Variants in MROH9 observed in about 807,000 individuals in gnomAD.
The protein encoded by MROH9 is maestro heat-like repeat-containing protein family member 9.
Under a neutral mutation model 98.2 loss-of-function variants are expected in MROH9, and 92 were observed. That is an observed-to-expected ratio of 0.94 (90% CI 0.79 to 1.11). MROH9 has a LOEUF of 1.11. MROH9 is among the 50% of genes most tolerant of loss of function. The probability of loss-of-function intolerance (pLI) is 0.00; values close to 1 mark genes in which losing one functional copy is unlikely to be tolerated. For synonymous variants in MROH9, 397 were observed against 368.9 expected (o/e 1.08, Z -0.87); for missense variants, 1,057 against 1,014.8 (o/e 1.04, Z -0.57).
intron 20 of MROH9, among the ~76,000 whole-genome samples, chr1:171,045,814 T>C (rs1416586744): frequency 6.6e-6 from 1 of 152,172 alleles, no homozygotes; most frequent in Non-Finnish European, 1.5e-5. Context: ...ATCCATTTCA[T>C]GTATAGTGCA....
chr1:170,963,944 A>G (rs544342442), intron 6 of MROH9, among the ~76,000 whole-genome samples: 1 of 152,206 alleles, frequency 6.6e-6, no homozygotes, highest in African/African-American at 2.4e-5. Flanking sequence ...CTGAACTTAA[A>G]ATAAAAGTTA....
intron 3 of MROH9, among the ~76,000 whole-genome samples, chr1:170,951,696 A>G (rs1405984553): frequency 2.0e-5 from 3 of 152,146 alleles, no homozygotes; most frequent in African/African-American, 7.2e-5. Context: ...ATTCAAAGAC[A>G]GTGGGCTAGT....
At chr1:170,968,033 T>G in intron 7 of MROH9, among the ~76,000 whole-genome samples, 1 of 152,114 alleles carries the variant, frequency 6.6e-6, no homozygotes, top group East Asian at 1.9e-4. Flanking sequence ...AATGGGCTAG[T>G]GATGCCAACA....
intron 2 of MROH9, 59 bp from the exon 3 acceptor site, chr1:170,947,468 C>A: frequency 6.8e-7 from 1 of 1,464,580 alleles, no homozygotes; most frequent in Non-Finnish European, 9.5e-7. Flanking sequence ...TAAGGCCCCA[C>A]TAAGATGATA....
At chr1:170,963,951 G>A (rs1650127900) in intron 6 of MROH9, among the ~76,000 whole-genome samples, 1 of 151,982 alleles carries the variant, frequency 6.6e-6, no homozygotes, top group Admixed American at 6.6e-5. Flanking sequence ...TAAAATAAAA[G>A]TTAAAAAAAG....
chr1:170,992,275 CG>C lies in MROH9; in HGVS notation c.1141del (p.Val381Ter). ...GAAAGCCTGGGGAAATGGAGGACAC[CG>C]TAACGGAAGGGAAACGTTTCTCTCT... ...KGKPGEMEDT[V>X]TEGKRFSLDI... On this transcript the variant is annotated frameshift_variant, in exon 12 of 22. Transcript: ENST00000367759. LOFTEE classifies it high-confidence loss of function. The C allele has an allele frequency of 6.2e-7, 1 of 1,613,468 alleles. No individual in the cohort carries two copies. Among genetic ancestry groups the C allele is most frequent in the Non-Finnish European group, 8.5e-7 (1 of 1,179,644 alleles).
At chr1:170,939,149 A>T (rs1207430339) in intron 1 of MROH9, among the ~76,000 whole-genome samples, 1 of 152,218 alleles carries the variant, frequency 6.6e-6, no homozygotes, top group Non-Finnish European at 1.5e-5. Context: ...TAATTCTGAG[A>T]TGTCTATCCA....
intron 2 of MROH9, 32 bp from the exon 3 acceptor site, chr1:170,947,495 C>A: frequency 1.3e-6 from 2 of 1,596,492 alleles, no homozygotes; most frequent in Admixed American, 1.7e-5. Flanking sequence ...TATGTTCATT[C>A]CTTTTTAACG....
intron 20 of MROH9, among the ~76,000 whole-genome samples, chr1:171,033,699 C>G (rs765740873): frequency 6.6e-6 from 1 of 152,046 alleles, no homozygotes; most frequent in Non-Finnish European, 1.5e-5. Flanking sequence ...CTGATGGGAG[C>G]CTCTGAACGC....
chr1:170,956,398 G>A (rs1290785840), intron 3 of MROH9, among the ~76,000 whole-genome samples: 2 of 151,946 alleles, frequency 1.3e-5, no homozygotes, highest in Non-Finnish European at 2.9e-5. Flanking sequence ...TTTGTAGATT[G>A]CTTTTGGCAG....
intron 20 of MROH9, among the ~76,000 whole-genome samples, chr1:171,056,810 G>A (rs1427302868): frequency 6.6e-6 from 1 of 152,140 alleles, no homozygotes; most frequent in African/African-American, 2.4e-5. Context: ...TCCAGACGCA[G>A]GAGTAAACCA....
chr1:170,982,141 A>G (rs1650955346), intron 8 of MROH9, among the ~76,000 whole-genome samples: 2 of 152,228 alleles, frequency 1.3e-5, no homozygotes, highest in African/African-American at 4.8e-5. Flanking sequence ...TTACTGGTAC[A>G]TGAATGTTCA....
chr1:170,995,008 T>C (rs1651506533), intron 12 of MROH9, among the ~76,000 whole-genome samples: 2 of 151,932 alleles, frequency 1.3e-5, no homozygotes, highest in Non-Finnish European at 2.9e-5. Flanking sequence ...TGCCTTCCCC[T>C]TAAATATCTC....
chr1:171,009,858 T>C (rs957134046), intron 15 of MROH9, among the ~76,000 whole-genome samples: 9 of 152,230 alleles, frequency 5.9e-5, no homozygotes, highest in African/African-American at 1.7e-4. Context: ...CATGGGGCCA[T>C]GTCAAAAGGA....
At chr1:171,049,481 C>T (rs1209934276) in intron 20 of MROH9, among the ~76,000 whole-genome samples, 2 of 152,042 alleles carry the variant, frequency 1.3e-5, no homozygotes, top group African/African-American at 4.8e-5. Context: ...CAGCCAATGC[C>T]AACCCACAGA....
At chr1:170,940,862 T>C (rs1649093082) in intron 1 of MROH9, among the ~76,000 whole-genome samples, 1 of 152,192 alleles carries the variant, frequency 6.6e-6, no homozygotes, top group South Asian at 2.1e-4. Context: ...TAGAGGCAGT[T>C]CTTGTGGCTT....
chr1:171,062,799 A>G (rs1440670735), intron 21 of MROH9, among the ~76,000 whole-genome samples: 1 of 152,110 alleles, frequency 6.6e-6, no homozygotes, highest in Middle Eastern at 3.2e-3. Flanking sequence ...TTTCTTTCTT[A>G]ATAGACTATT....
intron 21 of MROH9, among the ~76,000 whole-genome samples, chr1:171,062,623 T>C (rs532634220): frequency 6.6e-6 from 1 of 152,366 alleles, no homozygotes; most frequent in East Asian, 1.9e-4. Context: ...TTTTAGTGGA[T>C]AGCAATGTAC....
chr1:171,040,801 T>C (rs1381342358), intron 20 of MROH9, among the ~76,000 whole-genome samples: 1 of 152,140 alleles, frequency 6.6e-6, no homozygotes, highest in Non-Finnish European at 1.5e-5. Flanking sequence ...ATTTTCCATC[T>C]GGTTGTTAAA....
Sources: allele counts gnomAD v4.1 joint callset (sites outside exome capture counted in the v4.1 genomes callset), GRCh38; gene constraint gnomAD v4.1.1; transcripts MANE v1.5; gene names NCBI Gene and HGNC (gene_info 2026-07-23, HGNC 2026-07-21).